MCTP1: variants seen among roughly 807,000 people sequenced by gnomAD.
MCTP1 encodes the protein multiple C2 and transmembrane domain-containing protein 1.
A neutral mutation model predicts 120.6 loss-of-function variants in MCTP1; 69 were observed. That is an observed-to-expected ratio of 0.57 (90% CI 0.47 to 0.70). The LOEUF is 0.70. Among genes scored for constraint, MCTP1 ranks in the 30% least tolerant of loss-of-function variants. MCTP1 has a pLI of 0.00. For missense variants in MCTP1, 1,203 were observed against 1,248.8 expected (o/e 0.96, Z 0.55); for synonymous variants, 529 against 493.1 (o/e 1.07, Z -0.96).
intron 1 of MCTP1, among the ~76,000 whole-genome samples, chr5:95,269,496 C>T (rs1414999847): frequency 6.6e-6 from 1 of 152,170 alleles, no homozygotes; most frequent in East Asian, 1.9e-4. Context: ...TGCAAATAAA[C>T]AAACTAACCC....
At chr5:94,954,522 T>TAATACTATGTAATAC (rs1255866085) in intron 2 of MCTP1, among the ~76,000 whole-genome samples, 1 of 152,116 alleles carries the variant, frequency 6.6e-6, no homozygotes, top group Admixed American at 6.6e-5. Context: ...TACATCCATG[T>TAATACTATGTAATAC]AACACAACTG....
intron 17 of MCTP1, among the ~76,000 whole-genome samples, chr5:94,803,262 C>T (rs1284138219): frequency 6.6e-6 from 1 of 152,122 alleles, no homozygotes; most frequent in Admixed American, 6.5e-5. Flanking sequence ...GTAATAAGTA[C>T]ACACAACCCC....
At chr5:95,103,978 T>C (rs1332269991) in intron 1 of MCTP1, among the ~76,000 whole-genome samples, 1 of 152,186 alleles carries the variant, frequency 6.6e-6, no homozygotes, top group Non-Finnish European at 1.5e-5. Flanking sequence ...ATTCCTGTGA[T>C]TTCCAGTTTC....
At chr5:94,775,524 T>G (rs1297996553) in intron 19 of MCTP1, among the ~76,000 whole-genome samples, 3 of 152,128 alleles carry the variant, frequency 2.0e-5, no homozygotes, top group Admixed American at 1.3e-4. Context: ...AAGGCAGGAT[T>G]TGGTGTCAGG....
intron 1 of MCTP1, among the ~76,000 whole-genome samples, chr5:95,062,632 T>C (rs560062527): frequency 6.6e-6 from 1 of 152,196 alleles, no homozygotes; most frequent in Non-Finnish European, 1.5e-5. Context: ...CATATCCTTC[T>C]GGTATCTGCA....
chr5:94,926,656 C>G (rs1454806068), intron 6 of MCTP1, among the ~76,000 whole-genome samples: 1 of 152,194 alleles, frequency 6.6e-6, no homozygotes. Flanking sequence ...AACTGTCTGT[C>G]TATCCATCCA....
At chr5:94,950,967 T>C (rs1487269536) in intron 3 of MCTP1, among the ~76,000 whole-genome samples, 2 of 146,072 alleles carry the variant, frequency 1.4e-5, no homozygotes, top group Admixed American at 6.8e-5. Context: ...AAAAAAATGA[T>C]TTTGTGTAAA....
intron 17 of MCTP1, among the ~76,000 whole-genome samples, chr5:94,849,419 T>C (rs1793171285): frequency 6.6e-6 from 1 of 152,136 alleles, no homozygotes; most frequent in South Asian, 2.1e-4. Flanking sequence ...TATGTGCCGT[T>C]TATTTCTTCT....
intron 1 of MCTP1, among the ~76,000 whole-genome samples, chr5:95,147,743 G>A (rs958048818): frequency 6.6e-5 from 10 of 152,100 alleles, no homozygotes; most frequent in African/African-American, 2.4e-4. Flanking sequence ...CTCTCATTGT[G>A]TTGTTAACTG....
At chr5:94,776,211 A>C (rs967900349) in intron 19 of MCTP1, among the ~76,000 whole-genome samples, 2 of 152,080 alleles carry the variant, frequency 1.3e-5, no homozygotes, top group African/African-American at 4.8e-5. Context: ...CCTAAGCTCA[A>C]ATGAAATAAA....
chr5:94,954,092 GCATATATATACATATATATGAA>G (rs1821698147), intron 2 of MCTP1, among the ~76,000 whole-genome samples: 1 of 83,732 alleles, frequency 1.2e-5, no homozygotes, highest in African/African-American at 5.1e-5. Context: ...ATATATATGT[GCATATATATACATATATATGAA>G]TATATATACA....
chr5:94,723,872 GA>G (rs951610153), intron 19 of MCTP1, among the ~76,000 whole-genome samples: 6 of 150,420 alleles, frequency 4.0e-5, no homozygotes, highest in East Asian at 1.9e-4. Flanking sequence ...GGAAAGAATG[GA>G]AAAAAAAGAA....
chr5:95,034,623 A>G (rs1423714265), intron 1 of MCTP1, among the ~76,000 whole-genome samples: 2 of 152,062 alleles, frequency 1.3e-5, no homozygotes, highest in Non-Finnish European at 2.9e-5. Flanking sequence ...GAAAAATCCT[A>G]GAAGAAACCC....
chr5:94,838,412 G>T (rs1332829761), intron 17 of MCTP1, among the ~76,000 whole-genome samples: 1 of 152,168 alleles, frequency 6.6e-6, no homozygotes, highest in Non-Finnish European at 1.5e-5. Context: ...TGTCTCAACT[G>T]CAAATTCCTA....
chr5:95,016,036 G>A (rs1837042665), intron 2 of MCTP1, among the ~76,000 whole-genome samples: 2 of 152,182 alleles, frequency 1.3e-5, no homozygotes, highest in South Asian at 4.2e-4. Flanking sequence ...TATCTAATTT[G>A]TGTCTTCTTT....
chr5:95,013,692 AT>A (rs1836486177), intron 2 of MCTP1, among the ~76,000 whole-genome samples: 1 of 152,120 alleles, frequency 6.6e-6, no homozygotes, highest in African/African-American at 2.4e-5. Context: ...CAGAAGAAAA[AT>A]AATCCTTTTA....
rs146589512 is a variant in MCTP1 at position 95,139,081 on chromosome 5, T to C, written c.721-121597A>G. On this transcript the variant is annotated intron_variant, in intron 1 of 22. Transcript: ENST00000515393. ...AAACATTTAGGGTTTTTTTTTCCTT[T>C]CAAATAGTCGTATTAGTTTAACATC... 8.1e-4 allele frequency among the ~76,000 whole-genome samples: 123 copies of C among 152,330 alleles called. No homozygotes were observed. The East Asian group carries it at 0.021, about 26-fold the overall frequency.
intron 6 of MCTP1, among the ~76,000 whole-genome samples, chr5:94,926,803 A>G (rs2153471685): frequency 6.6e-6 from 1 of 152,326 alleles, no homozygotes; most frequent in South Asian, 2.1e-4. Flanking sequence ...AAGAATCCTA[A>G]GAAACTGGCC....
chr5:95,014,642 T>C (rs1220889366), intron 2 of MCTP1, among the ~76,000 whole-genome samples: 1 of 152,094 alleles, frequency 6.6e-6, no homozygotes, highest in Non-Finnish European at 1.5e-5. Context: ...ATTTGTACAG[T>C]TCCTAGCCAT....
Sources: allele counts gnomAD v4.1 joint callset (sites outside exome capture counted in the v4.1 genomes callset), GRCh38; gene constraint gnomAD v4.1.1; transcripts MANE v1.5; gene names NCBI Gene and HGNC (gene_info 2026-07-23, HGNC 2026-07-21).